Variants in FSTL4 observed in about 807,000 individuals in gnomAD.
FSTL4 encodes the protein follistatin-related protein 4.
Under a neutral mutation model 78.2 loss-of-function variants are expected in FSTL4, and 28 were observed. That is an observed-to-expected ratio of 0.36 (90% CI 0.27 to 0.49). The LOEUF (loss-of-function observed/expected upper bound fraction) is 0.49. Among genes scored for constraint, FSTL4 ranks in the 20% least tolerant of loss-of-function variants. The pLI is 0.98. For missense variants in FSTL4, 922 were observed against 1,084.9 expected, an observed-to-expected ratio of 0.85 and a Z score of 2.11; for synonymous variants, 422 against 440.5, an observed-to-expected ratio of 0.96 and a Z score of 0.53.
intron 2 of FSTL4, among the ~76,000 whole-genome samples, chr5:133,575,540 G>A (rs1394862480): frequency 1.3e-5 from 2 of 152,186 alleles, no homozygotes; most frequent in East Asian, 3.9e-4. Flanking sequence ...TTCATGAAAA[G>A]AGCTAAGAGA....
At chr5:133,526,524 A>C (rs1759103553) in intron 3 of FSTL4, among the ~76,000 whole-genome samples, 2 of 152,100 alleles carry the variant, frequency 1.3e-5, no homozygotes, top group South Asian at 4.1e-4. Flanking sequence ...ATGGTCTTGA[A>C]ATTTGGGCAG....
At chr5:133,644,484 C>T in the FSTL4 span, among the ~76,000 whole-genome samples, 1 of 152,060 alleles carries the variant, frequency 6.6e-6, no homozygotes, top group African/African-American at 2.4e-5. Context: ...CATCTTCATT[C>T]CCAGTGGCCG....
chr5:133,542,713 G>A (rs1759501518), intron 3 of FSTL4, among the ~76,000 whole-genome samples: 1 of 152,090 alleles, frequency 6.6e-6, no homozygotes, highest in Admixed American at 6.5e-5. Flanking sequence ...GACCAGCAGA[G>A]CTTTCAAATA....
At chr5:133,781,151 G>A in the FSTL4 span, among the ~76,000 whole-genome samples, 19 of 152,164 alleles carry the variant, frequency 1.2e-4, no homozygotes, top group African/African-American at 4.6e-4. Flanking sequence ...TTTCCAGTGA[G>A]GAGAGACATG....
At chr5:133,612,724 C>G (rs1041353313), upstream of FSTL4, among the ~76,000 whole-genome samples, 12 of 152,124 alleles carry the variant, frequency 7.9e-5, no homozygotes, top group African/African-American at 1.4e-4. The surrounding 1 kb of genome is among the most constrained non-coding windows in gnomAD (Gnocchi z 6.2). Flanking sequence ...ATCTAGGGCC[C>G]GGAGGGAGGA....
the FSTL4 span, among the ~76,000 whole-genome samples, chr5:133,665,866 C>A: frequency 6.6e-6 from 1 of 152,206 alleles, no homozygotes; most frequent in Non-Finnish European, 1.5e-5. Context: ...CTCTACGCAG[C>A]CCTTGCTCAA....
chr5:133,379,278 TAAAG>T lies in FSTL4; in HGVS notation c.409+21456_409+21459del, dbSNP rs200228942. 8.6e-3 allele frequency among the ~76,000 whole-genome samples: 1,315 copies of T among 152,092 alleles called. 12 individuals are homozygous for T. Among genetic ancestry groups the T allele is most frequent in the Non-Finnish European group, 0.013 (901 of 67,952 alleles). On this transcript the variant is annotated intron_variant, in intron 4 of 15. Transcript: ENST00000265342. Reference sequence around the variant, plus strand: ...ATACACGAAGCAAAAGCGACAGAACTAAAGAAAGAAATAGATGACAATAATAGAT... The same window carrying T: ...ATACACGAAGCAAAAGCGACAGAACTAAAGAAATAGATGACAATAATAGAT...
intron 3 of FSTL4, among the ~76,000 whole-genome samples, chr5:133,550,603 T>C (rs919560692): frequency 7.9e-5 from 12 of 152,224 alleles, no homozygotes; most frequent in Non-Finnish European, 1.6e-4. Flanking sequence ...ACAACTGCCA[T>C]AGGAGGTAGA....
intron 6 of FSTL4, among the ~76,000 whole-genome samples, chr5:133,269,370 G>A (rs531703182): frequency 2.4e-4 from 37 of 152,262 alleles, no homozygotes; most frequent in African/African-American, 8.4e-4. Context: ...AATTGCCAGT[G>A]GAATTTATCC....
the FSTL4 span, among the ~76,000 whole-genome samples, chr5:133,840,495 A>G: frequency 6.6e-6 from 1 of 152,248 alleles, no homozygotes; most frequent in African/African-American, 2.4e-5. Context: ...GAACCATCAC[A>G]GGGTCCTGGA....
chr5:133,667,237 G>C, the FSTL4 span, among the ~76,000 whole-genome samples: 1 of 152,186 alleles, frequency 6.6e-6, no homozygotes, highest in Non-Finnish European at 1.5e-5. Context: ...AATTCTGCTG[G>C]CACCCCTCAA....
chr5:133,774,756 CTTAA>C, the FSTL4 span, among the ~76,000 whole-genome samples: 1 of 152,116 alleles, frequency 6.6e-6, no homozygotes, highest in Non-Finnish European at 1.5e-5. Flanking sequence ...ATAGTATAGC[CTTAA>C]TTGTTTTGCT....
intron 6 of FSTL4, among the ~76,000 whole-genome samples, chr5:133,268,038 T>C (rs778320017): frequency 3.3e-5 from 5 of 152,190 alleles, no homozygotes; most frequent in Non-Finnish European, 7.3e-5. Flanking sequence ...CCAAAACTAA[T>C]GGGCTCAAAT....
At chr5:133,215,958 A>C (rs902580578) in intron 13 of FSTL4, among the ~76,000 whole-genome samples, 1 of 152,194 alleles carries the variant, frequency 6.6e-6, no homozygotes, top group Admixed American at 6.5e-5. Context: ...GGATAATCTC[A>C]TTTAAAAATC....
chr5:133,833,009 A>G, the FSTL4 span, among the ~76,000 whole-genome samples: 1 of 152,180 alleles, frequency 6.6e-6, no homozygotes, highest in African/African-American at 2.4e-5. Flanking sequence ...CCCTTATAGA[A>G]TGCACAAAAA....
intron 2 of FSTL4, among the ~76,000 whole-genome samples, chr5:133,595,926 C>T (rs1281064101): frequency 6.6e-6 from 1 of 152,212 alleles, no homozygotes; most frequent in East Asian, 1.9e-4. Context: ...GAAGCAAAGG[C>T]AGGGCCGGGG....
intron 3 of FSTL4, among the ~76,000 whole-genome samples, chr5:133,430,744 C>G (rs921277247): frequency 3.3e-5 from 5 of 152,182 alleles, no homozygotes; most frequent in African/African-American, 1.2e-4. Context: ...TGGTGATATT[C>G]ACTGACTGTT....
chr5:133,453,166 A>G (rs1757415917), intron 3 of FSTL4, among the ~76,000 whole-genome samples: 1 of 152,096 alleles, frequency 6.6e-6, no homozygotes, highest in African/African-American at 2.4e-5. Context: ...TCTACATCCA[A>G]CGACAACACA....
the FSTL4 span, among the ~76,000 whole-genome samples, chr5:133,726,036 C>T: frequency 6.6e-6 from 1 of 152,182 alleles, no homozygotes; most frequent in Non-Finnish European, 1.5e-5. Flanking sequence ...TCAGACCATC[C>T]TTATTACATT....
Sources: allele counts gnomAD v4.1 joint callset (sites outside exome capture counted in the v4.1 genomes callset), GRCh38; gene constraint gnomAD v4.1.1; non-coding constraint Gnocchi (gnomAD v3.1); transcripts MANE v1.5; gene names NCBI Gene and HGNC (gene_info 2026-07-23, HGNC 2026-07-21).